CPSF4: variants seen among roughly 807,000 people sequenced by gnomAD.
The protein encoded by CPSF4 is cleavage and polyadenylation specific factor 4.
Under a neutral mutation model 37.7 loss-of-function variants are expected in CPSF4, and 11 were observed. The observed-to-expected ratio is 0.29, with a 90% confidence interval of 0.18 to 0.48. The LOEUF is 0.48. CPSF4 is among the 20% of genes least tolerant of loss of function. The pLI is 0.99. For synonymous variants in CPSF4, 132 were observed against 135.9 expected (o/e 0.97, Z 0.20); for missense variants, 144 against 359.5 (o/e 0.40, Z 4.85).
In CPSF4 at chr7:99,456,420, T is replaced by C. The variant is rs372044120; in HGVS notation, c.742-12T>C. On this transcript the variant is annotated splice_polypyrimidine_tract_variant and intron_variant, in intron 7 of 7. Coordinates refer to ENST00000292476, the MANE Select transcript of CPSF4 (RefSeq NM_006693.4). ...CTGTCTCTCCTCTTCCCCCACTTCC[T>C]GCTGTTCCCAGTGTGGCGAGAAAGG... is the stretch of plus-strand genomic sequence containing the variant. 125 of 1,613,744 alleles carry C rather than the reference T, an allele frequency of 7.7e-5. No homozygotes were observed. In the African/African-American group the frequency reaches 1.5e-3, roughly 19 times the overall value.
At chr7:99,450,853 TC>T (rs1797882418) in intron 5 of CPSF4, 58 bp downstream of exon 5, 3 of 1,294,708 alleles carry the variant, frequency 2.3e-6, no homozygotes, top group Admixed American at 1.7e-5. Context: ...CCTGCTGCCC[TC>T]CGTATCTTCC....
In CPSF4 at chr7:99,450,289, C is replaced by T; in HGVS notation, c.321C>T (p.Asn107=). 2 of 1,613,718 alleles carry T rather than the reference C, an allele frequency of 1.2e-6. No individual in the cohort carries two copies. Among genetic ancestry groups the T allele is most frequent in the African/African-American group, 1.3e-5 (1 of 75,058 alleles). The change falls in exon 4 of 8, where the codon AAC becomes AAT. Residue 107 remains asparagine (N), a synonymous_variant. Coordinates refer to ENST00000292476, the MANE Select transcript of CPSF4 (RefSeq NM_006693.4). ...GTTTCCCTGCAGGGGAGTGCAGCAA[C>T]AAGGAATGTCCCTTCCTGCACATCG... The part of the protein sequence containing the change: ...YFYSKFGECS[N]KECPFLHIDP...
At chr7:99,445,506 G>C (rs1424992893) in intron 2 of CPSF4, among the ~76,000 whole-genome samples, 3 of 152,164 alleles carry the variant, frequency 2.0e-5, no homozygotes, top group African/African-American at 7.2e-5. Context: ...AGCTTATGGA[G>C]CTCCACTGTC....
intron 7 of CPSF4, 75 bp from the exon 8 acceptor site, chr7:99,456,357 T>C: frequency 1.5e-6 from 2 of 1,349,666 alleles, no homozygotes; most frequent in Non-Finnish European, 2.1e-6. Context: ...TGGTGGGCAC[T>C]CCCTTAGTTG....
In CPSF4 at chr7:99,451,349, G is replaced by A. The variant is rs1344620734; in HGVS notation, c.497+554G>A. ...GGGCTGGGTGTGGTGGCTCACGCCT[G>A]TAATCCCATAACTTTGGGAGGCAGA... is the stretch of plus-strand genomic sequence containing the variant. On this transcript the variant is annotated intron_variant, in intron 5 of 7. Coordinates refer to ENST00000292476, the MANE Select transcript of CPSF4 (RefSeq NM_006693.4). Among the ~76,000 whole-genome samples, 4 of 152,362 alleles carry A rather than the reference G, an allele frequency of 2.6e-5. No homozygotes were observed. In the East Asian group the frequency reaches 7.7e-4, roughly 29 times the overall value.
At chr7:99,451,295 G>T (rs1470111069) in intron 5 of CPSF4, among the ~76,000 whole-genome samples, 2 of 152,218 alleles carry the variant, frequency 1.3e-5, no homozygotes, top group Non-Finnish European at 2.9e-5. Flanking sequence ...CATGGTAGCA[G>T]GTGGTGGCAC....
rs188284424 is a variant in CPSF4, at chr7:99,450,766, C to T, written c.468C>T (p.Cys156=). 4.8e-5 allele frequency: 77 copies of T among 1,613,800 alleles called. No individual in the cohort carries two copies. The East Asian group carries it at 1.0e-3, about 21-fold the overall frequency. Residue 156 remains cysteine, a synonymous_variant, in exon 5 of 8, where the codon TGC becomes TGT. Coordinates refer to ENST00000292476, the MANE Select transcript of CPSF4 (RefSeq NM_006693.4). ...GTGTGAATTACCTCGTGGGATTCTG[C>T]CCGGAGGGGCCCTCGTGTAAATTCA... ...VICVNYLVGF[C]PEGPSCKFMH...
intron 1 of CPSF4, chr7:99,443,158 T>TA (rs755674174): frequency 3.8e-6 from 3 of 789,990 alleles, no homozygotes; most frequent in Non-Finnish European, 7.0e-6. Flanking sequence ...GCAGCTTTCT[T>TA]ACTCTCCAAG....
intron 7 of CPSF4, among the ~76,000 whole-genome samples, chr7:99,455,458 TG>T (rs1488808685): frequency 6.6e-6 from 1 of 152,184 alleles, no homozygotes; most frequent in Non-Finnish European, 1.5e-5. Flanking sequence ...CCCAGCACTT[TG>T]GGAGGCCGAG....
At chr7:99,452,346 C>T (rs918676494) in intron 5 of CPSF4, 22 bp from the exon 6 acceptor site, 2 of 1,607,772 alleles carry the variant, frequency 1.2e-6, no homozygotes, top group African/African-American at 2.7e-5. Context: ...TGTTCTCATC[C>T]CCTCTGGCTG....
chr7:99,455,208 G>A (rs148575430), intron 7 of CPSF4, among the ~76,000 whole-genome samples: 1 of 152,186 alleles, frequency 6.6e-6, no homozygotes, highest in Admixed American at 6.5e-5. Flanking sequence ...GACCGCCCCT[G>A]TCCACAGCCT....
At chr7:99,451,604 C>A (rs1797939926) in intron 5 of CPSF4, among the ~76,000 whole-genome samples, 1 of 152,214 alleles carries the variant, frequency 6.6e-6, no homozygotes, top group Non-Finnish European at 1.5e-5. Flanking sequence ...GACTCCATCT[C>A]TAAATAAATA....
chr7:99,440,360 T>C lies in CPSF4; in HGVS notation c.103+1175T>C, dbSNP rs193136079. Among the ~76,000 whole-genome samples, 870 of 152,062 alleles carry C rather than the reference T, an allele frequency of 5.7e-3. 6 individuals are homozygous for C. The highest frequency in any genetic ancestry group is 0.018 in the African/African-American group (763 of 41,424). On this transcript the variant is annotated intron_variant, in intron 1 of 7. Coordinates refer to ENST00000292476, the MANE Select transcript of CPSF4 (RefSeq NM_006693.4). ...TATGTGTTTTTGTTGTTGTTGTTTG[T>C]TTGCTTTTGAGACAGGGGCCCCTCT...
chr7:99,452,116 G>A (rs761258576), intron 5 of CPSF4, among the ~76,000 whole-genome samples: 20 of 152,088 alleles, frequency 1.3e-4, no homozygotes, highest in Admixed American at 2.6e-4. Context: ...CTCCCAGCTC[G>A]GTGTAGGCAG....
intron 5 of CPSF4, among the ~76,000 whole-genome samples, chr7:99,451,475 C>G (rs13227522): frequency 3.3e-5 from 5 of 152,146 alleles, no homozygotes; most frequent in African/African-American, 1.2e-4. Flanking sequence ...TGTAGCGGCG[C>G]GTGCCTGTAG....
In CPSF4 at chr7:99,448,442, C is replaced by T. The variant is rs905675624; in HGVS notation, c.307+169C>T. 5 of 529,838 alleles carry T rather than the reference C, an allele frequency of 9.4e-6. No individual in the cohort carries two copies. Among genetic ancestry groups the T allele is most frequent in the South Asian group, 5.4e-5 (2 of 36,922 alleles). 32.8% of individuals were successfully genotyped at this position (529,838 alleles called of 1,614,324 possible). ...AGCCAGCTTTTAGGGGACAGTGTGG[C>T]TATTTTCTGCTCATCTCTTTTTTTT... On this transcript the variant is annotated intron_variant, in intron 3 of 7. Coordinates refer to ENST00000292476, the MANE Select transcript of CPSF4 (RefSeq NM_006693.4). The surrounding 1 kb of genome is among the most constrained non-coding windows in gnomAD (Gnocchi z 4.4).
chr7:99,446,771 CTTTTTT>C (rs762892785), intron 2 of CPSF4, among the ~76,000 whole-genome samples: 2 of 29,134 alleles, frequency 6.9e-5, no homozygotes, highest in African/African-American at 2.3e-4. Flanking sequence ...CCATACCCAG[CTTTTTT>C]TTTTTTTTTT....
At chr7:99,443,129 C>G (rs1797170312) in intron 1 of CPSF4, 1 of 814,632 alleles carries the variant, frequency 1.2e-6, no homozygotes, top group Admixed American at 1.7e-5. Context: ...CTGAAGAAAT[C>G]CCAAACCTAG....
At position 99,438,953 on chromosome 7, in the gene CPSF4, G is replaced by GGGCGGC. The variant is rs545009584; in HGVS notation, c.-113_-108dup. 137 of 1,346,944 alleles carry GGGCGGC rather than the reference G, an allele frequency of 1.0e-4. No individual in the cohort carries two copies. In the South Asian group the frequency reaches 1.0e-3, roughly 10 times the overall value. The allele number at this position is 1,346,944 out of a possible 1,614,324, so 83.4% of individuals were successfully genotyped here. ...GCTCCGGGCGCTCCCGGCATCCCTC[G>GGGCGGC]GGCGGCGGCGGCGGCGGCGGCGAGG... On this transcript the variant is annotated 5_prime_UTR_variant, in exon 1 of 8. Coordinates refer to ENST00000292476, the MANE Select transcript of CPSF4 (RefSeq NM_006693.4).
Sources: gnomAD v4.1 joint callset for allele counts (sites outside exome capture counted in the v4.1 genomes callset) on GRCh38, gnomAD v4.1.1 for gene constraint, Gnocchi (gnomAD v3.1) non-coding constraint, MANE v1.5 for transcripts, NCBI Gene and HGNC (gene_info 2026-07-23, HGNC 2026-07-21) for gene names.